Variants in PRKCH observed in about 807,000 individuals in gnomAD.
The protein encoded by PRKCH is protein kinase C eta.
A neutral mutation model predicts 82.5 loss-of-function variants in PRKCH; 28 were observed. The observed-to-expected ratio is 0.34, with a 90% CI of 0.25 to 0.47. The LOEUF is 0.47. PRKCH is among the 20% of genes least tolerant of loss of function. The probability of loss-of-function intolerance (pLI) is 1.00; values close to 1 mark genes in which losing one functional copy is unlikely to be tolerated. For synonymous variants in PRKCH, 322 were observed against 327.4 expected (o/e 0.98, Z 0.18); for missense variants, 705 against 881.8 (o/e 0.80, Z 2.54).
intron 12 of PRKCH, chr14:61,545,115 G>GC (rs34864613): frequency 0.62 from 94,355 of 152,260 alleles, 36,222 homozygotes; most frequent in Non-Finnish European, 0.86. Flanking sequence ...CCCACCGGCT[G>GC]CCCCCGCAGT....
chr14:61,233,355 C>A (rs377201512), intron 1 of PRKCH, among the ~76,000 whole-genome samples: 5 of 150,976 alleles, frequency 3.3e-5, no homozygotes, highest in African/African-American at 1.2e-4. Flanking sequence ...CAAGCCACTG[C>A]ACTCTGCTCT....
At chr14:61,279,777 G>T (rs1235399124) in intron 1 of PRKCH, 6 of 322,726 alleles carry the variant, frequency 1.9e-5, no homozygotes, top group Admixed American at 1.4e-4. Context: ...CTCTAATAGG[G>T]GTTTAATAGG....
Position 61,527,411 on chromosome 14 carries a change from C to T in PRKCH, c.1434-1664C>T, listed in dbSNP as rs17098714. 9.2e-3 allele frequency among the ~76,000 whole-genome samples: 1,399 copies of T among 152,310 alleles called. 22 individuals carry two copies. The highest frequency in any genetic ancestry group is 0.032 in the African/African-American group (1,344 of 41,564). On this transcript the variant is annotated intron_variant, in intron 10 of 13. Transcript: ENST00000332981. ...AGAAGTCATCATTTCTGCTGCTTCT[C>T]TCTATCCGTCTATCTCTAAGTGATT...
intron 13 of PRKCH, 27 bp from the exon 14 acceptor site, chr14:61,549,658 C>A (rs749896222): frequency 6.8e-6 from 11 of 1,606,410 alleles, no homozygotes; most frequent in Non-Finnish European, 9.3e-6. Context: ...AAAAATCTCA[C>A]CCTTGTTTCC....
intron 1 of PRKCH, among the ~76,000 whole-genome samples, chr14:61,331,478 G>T (rs2045787464): frequency 6.6e-6 from 1 of 152,152 alleles, no homozygotes; most frequent in Admixed American, 6.5e-5. Flanking sequence ...CTATGATCGA[G>T]CTGCTGCTCC....
intron 1 of PRKCH, among the ~76,000 whole-genome samples, chr14:61,213,881 G>A (rs909860163): frequency 9.9e-5 from 15 of 152,204 alleles, no homozygotes; most frequent in Non-Finnish European, 2.1e-4. Flanking sequence ...CTATAAGCCA[G>A]CTATTATGCT....
At position 61,443,213 on chromosome 14, in the gene PRKCH, C is replaced by T. The variant is rs1201378559; in HGVS notation, c.530C>T (p.Thr177Met). 6.2e-7 allele frequency: 1 copy of T among 1,613,992 alleles called. No individual in the cohort carries two copies. The highest frequency in any genetic ancestry group is 8.5e-7 in the Non-Finnish European group (1 of 1,179,986). ...HQINGHKFMA[T>M]YLRQPTYCSH... ...ATCAATGGACACAAGTTCATGGCCA[C>T]GTATCTGAGGCAGCCCACCTACTGC... Residue 177 changes from threonine to methionine, a missense_variant, in exon 3 of 14, where the codon ACG (threonine) becomes ATG (methionine). Physicochemically the swap from Thr to Met is moderately conservative, Grantham distance 81. Around this residue, in one of 5 missense-constraint regions of PRKCH, gnomAD observed 246 missense variants for 308.0 expected, o/e 0.80. Transcript: ENST00000332981.
chr14:61,229,734 C>CTAACCACAT (rs2044725652), intron 1 of PRKCH, among the ~76,000 whole-genome samples: 2 of 152,164 alleles, frequency 1.3e-5, no homozygotes, highest in Admixed American at 1.3e-4. Flanking sequence ...GACACCCCAC[C>CTAACCACAT]TAACCACATT....
Position 61,469,065 on chromosome 14 carries a change from C to T in PRKCH, c.1278+11386C>T, listed in dbSNP as rs893378262. ...AAAAATCAGTCAATCCAGGATCCCA[C>T]TGACTGAATGCTAGGCAAAAGAAAC... On this transcript the variant is annotated intron_variant, in intron 9 of 13. Coordinates refer to ENST00000332981, the MANE Select transcript of PRKCH (RefSeq NM_006255.5). Among the ~76,000 whole-genome samples, 5 of 152,332 alleles carry T rather than the reference C, an allele frequency of 3.3e-5. 1 individual carries two copies. In the South Asian group the frequency reaches 1.0e-3, roughly 32 times the overall value.
In PRKCH at chr14:61,530,008, T is replaced by G. The variant is rs550093769; in HGVS notation, c.1573-399T>G. On this transcript the variant is annotated intron_variant, in intron 11 of 13. Coordinates refer to ENST00000332981, the MANE Select transcript of PRKCH (RefSeq NM_006255.5). ...ATTCATGGCTATTTATTTTCCTTTT[T>G]GTCTCTACTTAGTGATTTAATTTCA... Among the ~76,000 whole-genome samples the G allele has an allele frequency of 1.3e-3, 198 of 152,348 alleles. 1 individual carries two copies. Among genetic ancestry groups the G allele is most frequent in the African/African-American group, 4.6e-3 (192 of 41,592 alleles).
intron 10 of PRKCH, chr14:61,525,914 C>G (rs1269319169): frequency 6.6e-6 from 1 of 152,516 alleles, no homozygotes; most frequent in African/African-American, 2.4e-5. Context: ...CGGCCGTGCT[C>G]TCTCCTGGGG....
In PRKCH at chr14:61,280,131, GT is replaced by G; in HGVS notation, c.-19+92464del. On this transcript the variant is annotated intron_variant, in intron 1 of 3. Coordinates refer to the PRKCH transcript ENST00000555185. The surrounding 1 kb of genome is among the most constrained non-coding windows in gnomAD (Gnocchi z 5.0). ...CGTCGTCCTGGTCCTGGTAGCGAAT[GT>G]AGACGACCAGCATGACAAAGCCGGT... 6.2e-7 allele frequency: 1 copy of G among 1,613,856 alleles called. No individual in the cohort carries two copies.
intron 1 of PRKCH, among the ~76,000 whole-genome samples, chr14:61,287,633 C>G (rs142093157): frequency 1.3e-5 from 2 of 152,164 alleles, no homozygotes; most frequent in East Asian, 3.9e-4. Context: ...TTGCTTTAAC[C>G]TGGGAGGTGG....
At chr14:61,484,576 T>C (rs1303001344) in intron 9 of PRKCH, among the ~76,000 whole-genome samples, 1 of 152,156 alleles carries the variant, frequency 6.6e-6, no homozygotes, top group Non-Finnish European at 1.5e-5. Context: ...TTATTCACAC[T>C]ACTTGCATAG....
intron 2 of PRKCH, among the ~76,000 whole-genome samples, chr14:61,407,498 A>C (rs1882015459): frequency 6.6e-6 from 1 of 152,158 alleles, no homozygotes; most frequent in South Asian, 2.1e-4. Flanking sequence ...CATACTAAGG[A>C]ATGGCAATTC....
intron 2 of PRKCH, among the ~76,000 whole-genome samples, chr14:61,427,767 G>A (rs1193795100): frequency 6.6e-6 from 1 of 151,778 alleles, no homozygotes; most frequent in East Asian, 1.9e-4. Flanking sequence ...TTGTATTTTT[G>A]TAGAGACAGG....
Position 61,405,538 on chromosome 14 carries a change from C to T in PRKCH, c.427+14250C>T, listed in dbSNP as rs374978472. Among the ~76,000 whole-genome samples, 3 of 152,154 alleles carry T rather than the reference C, an allele frequency of 2.0e-5. No homozygotes were observed. The South Asian group carries it at 6.2e-4, about 31-fold the overall frequency. Reference sequence around the variant, plus strand: ...GATTACAGGCGCGCAGCACCACGCCCAGCTAATTTTTGTATTTTTAGTAGA... The same window carrying T: ...GATTACAGGCGCGCAGCACCACGCCTAGCTAATTTTTGTATTTTTAGTAGA... On this transcript the variant is annotated intron_variant, in intron 2 of 13. Coordinates refer to ENST00000332981, the MANE Select transcript of PRKCH (RefSeq NM_006255.5).
intron 1 of PRKCH, among the ~76,000 whole-genome samples, chr14:61,387,631 A>G (rs77974433): frequency 1.5e-3 from 229 of 152,366 alleles, no homozygotes; most frequent in Non-Finnish European, 2.9e-3. Flanking sequence ...TGAATAAATG[A>G]TAACAGCCCA....
intron 9 of PRKCH, among the ~76,000 whole-genome samples, chr14:61,473,771 T>C (rs1055150927): frequency 7.2e-5 from 11 of 152,154 alleles, no homozygotes; most frequent in African/African-American, 2.7e-4. Context: ...GGTGAGTGGA[T>C]CACCTGAGGT....
Sources: gnomAD v4.1 joint callset for allele counts (sites outside exome capture counted in the v4.1 genomes callset) on GRCh38, gnomAD v4.1.1 for gene constraint, gnomAD v4.1.1 regional missense constraint, Gnocchi (gnomAD v3.1) non-coding constraint, MANE v1.5 for transcripts, NCBI Gene and HGNC (gene_info 2026-07-23, HGNC 2026-07-21) for gene names.